CPNE4: variants seen among roughly 807,000 people sequenced by gnomAD.
The protein encoded by CPNE4 is copine 4, also known as copine-4.
A neutral mutation model predicts 67.9 loss-of-function variants in CPNE4; 25 were observed. That is an observed-to-expected ratio of 0.37 (90% CI 0.27 to 0.51). CPNE4 has a LOEUF of 0.51. Among genes scored for constraint, CPNE4 ranks in the 20% least tolerant of loss-of-function variants. The pLI is 0.93. For synonymous variants in CPNE4, 242 were observed against 244.9 expected, an observed-to-expected ratio of 0.99 and a Z score of 0.11; for missense variants, 464 against 690.8, an observed-to-expected ratio of 0.67 and a Z score of 3.68.
intron 4 of CPNE4, 46 bp downstream of exon 4, chr3:131,699,863 A>G: frequency 6.4e-7 from 1 of 1,552,628 alleles, no homozygotes; most frequent in Non-Finnish European, 8.9e-7. Flanking sequence ...CAGTCCGCCC[A>G]GGCTCTCCAC....
At chr3:131,711,574 G>A (rs564694010) in intron 3 of CPNE4, among the ~76,000 whole-genome samples, 137 of 152,270 alleles carry the variant, frequency 9.0e-4, no homozygotes, top group Non-Finnish European at 1.6e-3. Flanking sequence ...CCAAGAGCAT[G>A]CACCTTTGCT....
intron 1 of CPNE4, among the ~76,000 whole-genome samples, chr3:131,940,583 G>A (rs1026224598): frequency 3.9e-5 from 6 of 151,964 alleles, no homozygotes; most frequent in Admixed American, 1.3e-4. Flanking sequence ...AAAATTAGTC[G>A]GGTGTATATT....
rs150124606 is a variant in CPNE4 at position 131,645,524 on chromosome 3, T to C, written c.681+24151A>G. ...ACTCTATGGGACAGGTACTATTTTA[T>C]GCCCATTTTATTAATGATGGAGGTC... is the stretch of plus-strand genomic sequence containing the variant. On this transcript the variant is annotated intron_variant, in intron 7 of 15. Coordinates refer to ENST00000429747, the MANE Select transcript of CPNE4 (RefSeq NM_130808.3). Among the ~76,000 whole-genome samples the C allele has an allele frequency of 6.9e-3, 1,050 of 152,358 alleles. 11 individuals are homozygous for C. Among genetic ancestry groups the C allele is most frequent in the African/African-American group, 0.023 (968 of 41,588 alleles).
intron 1 of CPNE4, among the ~76,000 whole-genome samples, chr3:131,958,411 CCTG>C (rs1463473159): frequency 1.7e-5 from 2 of 120,466 alleles, no homozygotes; most frequent in Non-Finnish European, 3.7e-5. Context: ...CCATCCCAGA[CCTG>C]CTGATTTGGA....
intron 2 of CPNE4, among the ~76,000 whole-genome samples, chr3:131,732,549 G>A (rs745717702): frequency 2.0e-4 from 30 of 152,208 alleles, no homozygotes; most frequent in Non-Finnish European, 3.8e-4. Flanking sequence ...CCTCCTAGCC[G>A]CCCTTCCTGC....
chr3:131,839,443 A>T (rs1195439791), intron 2 of CPNE4, among the ~76,000 whole-genome samples: 1 of 151,028 alleles, frequency 6.6e-6, no homozygotes, highest in Non-Finnish European at 1.5e-5. Context: ...AAATATATTT[A>T]TATTTACTTA....
chr3:131,967,088 T>C (rs1434604051), intron 1 of CPNE4, among the ~76,000 whole-genome samples: 2 of 152,184 alleles, frequency 1.3e-5, no homozygotes, highest in Non-Finnish European at 2.9e-5. Flanking sequence ...TCAATAAACA[T>C]AATCCATCAC....
chr3:131,693,259 C>T (rs2081070929), intron 5 of CPNE4, among the ~76,000 whole-genome samples: 1 of 152,124 alleles, frequency 6.6e-6, no homozygotes, highest in Admixed American at 6.6e-5. Context: ...GACCCCTTTA[C>T]ATTCTTAAAA....
chr3:131,844,259 C>CTTTTTTTTT (rs569052106), intron 2 of CPNE4, among the ~76,000 whole-genome samples: 3 of 136,168 alleles, frequency 2.2e-5, no homozygotes, highest in African/African-American at 2.7e-5. Flanking sequence ...TCTGTATGTT[C>CTTTTTTTTT]TTTTTTTTTT....
intron 2 of CPNE4, among the ~76,000 whole-genome samples, chr3:131,840,578 C>T (rs1478362360): frequency 2.6e-5 from 4 of 152,184 alleles, no homozygotes; most frequent in African/African-American, 9.7e-5. Flanking sequence ...GATGATGTGG[C>T]TCTTGAACAC....
At chr3:131,573,275 C>T (rs1048545593) in intron 10 of CPNE4, among the ~76,000 whole-genome samples, 1 of 152,082 alleles carries the variant, frequency 6.6e-6, no homozygotes, top group African/African-American at 2.4e-5. Flanking sequence ...TCCTCACTCA[C>T]ACCTCCCACA....
chr3:131,776,128 G>T (rs1398297739), intron 2 of CPNE4, among the ~76,000 whole-genome samples: 1 of 152,008 alleles, frequency 6.6e-6, no homozygotes, highest in Non-Finnish European at 1.5e-5. Context: ...CTTCTGACTT[G>T]GTCATTCTCT....
chr3:131,626,049 T>C (rs1421066449), intron 7 of CPNE4, among the ~76,000 whole-genome samples: 1 of 152,220 alleles, frequency 6.6e-6, no homozygotes, highest in Non-Finnish European at 1.5e-5. Context: ...GACAGTGAAC[T>C]TAAACAATTA....
chr3:131,656,540 CATCT>C (rs1404257353), intron 7 of CPNE4, among the ~76,000 whole-genome samples: 3 of 152,130 alleles, frequency 2.0e-5, no homozygotes, highest in Non-Finnish European at 4.4e-5. Flanking sequence ...TATATCCATC[CATCT>C]ATCTATCAAT....
intron 2 of CPNE4, among the ~76,000 whole-genome samples, chr3:131,835,528 C>CA (rs375236742): frequency 8.6e-4 from 122 of 142,444 alleles, no homozygotes; most frequent in South Asian, 1.3e-3. Flanking sequence ...GACTCCATCT[C>CA]AAAAAAAAAA....
chr3:131,716,963 A>C (rs1415988932), intron 3 of CPNE4, among the ~76,000 whole-genome samples: 1 of 152,238 alleles, frequency 6.6e-6, no homozygotes, highest in Non-Finnish European at 1.5e-5. Flanking sequence ...CAACATCTGC[A>C]TCTAGCCATT....
intron 7 of CPNE4, among the ~76,000 whole-genome samples, chr3:131,595,586 T>G (rs1559956497): frequency 6.6e-6 from 1 of 152,068 alleles, no homozygotes; most frequent in East Asian, 1.9e-4. Flanking sequence ...TGGTGCAAGG[T>G]GAAGGGGAGC....
intron 2 of CPNE4, among the ~76,000 whole-genome samples, chr3:131,858,936 G>C (rs952617674): frequency 6.6e-6 from 1 of 152,168 alleles, no homozygotes; most frequent in Non-Finnish European, 1.5e-5. Context: ...AAAGAGTAAT[G>C]TCTGGACTCT....
intron 7 of CPNE4, among the ~76,000 whole-genome samples, chr3:131,660,125 C>A (rs1481635940): frequency 2.0e-5 from 3 of 152,142 alleles, no homozygotes; most frequent in African/African-American, 7.2e-5. Flanking sequence ...TCCCAAGATT[C>A]TTTTTAATGT....
Sources: allele counts gnomAD v4.1 joint callset (sites outside exome capture counted in the v4.1 genomes callset), GRCh38; gene constraint gnomAD v4.1.1; transcripts MANE v1.5; gene names NCBI Gene and HGNC (gene_info 2026-07-23, HGNC 2026-07-21).